The following VOPP1 variants were observed in gnomAD, a reference collection of about 807,000 sequenced individuals.
The protein encoded by VOPP1 is WW domain binding protein VOPP1.
In VOPP1, 8 loss-of-function variants were observed where a neutral mutation model predicts 23.5. That is an observed-to-expected ratio of 0.34 (90% CI 0.20 to 0.61). The LOEUF is 0.61. Ranked by LOEUF, VOPP1 falls within the 20% of genes least tolerant of loss-of-function variation. The pLI is 0.78. For synonymous variants in VOPP1, 83 were observed against 97.3 expected (o/e 0.85, Z 0.86); for missense variants, 174 against 238.1 (o/e 0.73, Z 1.77).
chr7:55,477,396 G>A (rs1480096973), intron 4 of VOPP1, among the ~76,000 whole-genome samples: 1 of 152,196 alleles, frequency 6.6e-6, no homozygotes, highest in Non-Finnish European at 1.5e-5. Flanking sequence ...CTTTGGCGCT[G>A]CCAGATTGTG....
chr7:55,490,276 T>C (rs1430085670), intron 4 of VOPP1, among the ~76,000 whole-genome samples: 4 of 151,902 alleles, frequency 2.6e-5, no homozygotes, highest in African/African-American at 9.7e-5. Context: ...CAGGGTGAGA[T>C]AAGGGATGTG....
At chr7:55,456,536 T>G (rs1452343607) in intron 4 of VOPP1, among the ~76,000 whole-genome samples, 2 of 152,152 alleles carry the variant, frequency 1.3e-5, no homozygotes, top group African/African-American at 4.8e-5. Context: ...TGGCAAAGAC[T>G]TGGAATCAAC....
intron 1 of VOPP1, among the ~76,000 whole-genome samples, chr7:55,524,141 C>T (rs1185888218): frequency 6.6e-6 from 1 of 152,174 alleles, no homozygotes; most frequent in Non-Finnish European, 1.5e-5. Flanking sequence ...CATTTCCATC[C>T]TACTCTTCTT....
At chr7:55,473,122 C>A in intron 4 of VOPP1, 77 bp from the exon 5 acceptor site, 1 of 1,532,234 alleles carries the variant, frequency 6.5e-7, no homozygotes, top group Non-Finnish European at 8.7e-7. Context: ...GCTGCAGGGC[C>A]AGCAGACCAC....
chr7:55,527,810 C>T (rs145513911), intron 1 of VOPP1, among the ~76,000 whole-genome samples: 1,669 of 152,168 alleles, frequency 0.011, 11 homozygotes, highest in Middle Eastern at 0.02. Context: ...CAAAGAAACA[C>T]AAAAGGCCAA....
chr7:55,567,201 G>A (rs922084608), intron 1 of VOPP1, among the ~76,000 whole-genome samples: 5 of 152,180 alleles, frequency 3.3e-5, no homozygotes, highest in Admixed American at 1.3e-4. Flanking sequence ...AGTCTCCATC[G>A]AGTCCCTGCT....
chr7:55,447,830 G>C (rs1444986707), intron 4 of VOPP1, among the ~76,000 whole-genome samples: 1 of 152,128 alleles, frequency 6.6e-6, no homozygotes, highest in African/African-American at 2.4e-5. Flanking sequence ...TTTCAAGAAG[G>C]TGGTTTGTGT....
Position 55,553,546 on chromosome 7 carries a change from C to T in VOPP1, c.54+18725G>A, listed in dbSNP as rs1475680111. Among the ~76,000 whole-genome samples the T allele has an allele frequency of 7.2e-5, 11 of 152,108 alleles. No homozygotes were observed. The East Asian group carries it at 1.2e-3, about 16-fold the overall frequency. On this transcript the variant is annotated intron_variant, in intron 1 of 4. Transcript: ENST00000285279. ...GTTTTCATTTAAATATATCCCTTAA[C>T]GAAACCAATGATACAAATTAGGGGT...
chr7:55,467,556 A>G (rs112807055), downstream of VOPP1, among the ~76,000 whole-genome samples: 1,832 of 152,316 alleles, frequency 0.012, 13 homozygotes, highest in Admixed American at 0.021. Context: ...CTCCTATTTC[A>G]AAAATTACTC....
At chr7:55,520,937 G>T in intron 2 of VOPP1, 135 bp downstream of exon 2, 1 of 877,082 alleles carries the variant, frequency 1.1e-6, no homozygotes, top group Non-Finnish European at 1.8e-6. Flanking sequence ...ATCCCCCAGT[G>T]AGGCAAGCCT....
intron 4 of VOPP1, among the ~76,000 whole-genome samples, chr7:55,442,329 A>C (rs1562877366): frequency 6.6e-6 from 1 of 152,240 alleles, no homozygotes; most frequent in Non-Finnish European, 1.5e-5. Context: ...GTGGAGGAAG[A>C]CAGGCTATGA....
intron 4 of VOPP1, among the ~76,000 whole-genome samples, chr7:55,448,289 T>G (rs935536395): frequency 6.6e-6 from 1 of 151,106 alleles, no homozygotes; most frequent in African/African-American, 2.4e-5. Context: ...ATTGGAGAAA[T>G]GTATCAATAT....
intron 1 of VOPP1, among the ~76,000 whole-genome samples, chr7:55,551,265 T>C (rs991847106): frequency 2.6e-5 from 4 of 152,188 alleles, no homozygotes; most frequent in Admixed American, 2.0e-4. Context: ...CTTGCTGCTG[T>C]TTCATCACTC....
At chr7:55,461,828 T>G (rs1327539701) in intron 4 of VOPP1, among the ~76,000 whole-genome samples, 1 of 152,244 alleles carries the variant, frequency 6.6e-6, no homozygotes, top group Non-Finnish European at 1.5e-5. Context: ...ACTTGTTTTG[T>G]GCATCCTTTG....
At chr7:55,494,447 C>T (rs1200100351) in intron 3 of VOPP1, among the ~76,000 whole-genome samples, 1 of 152,086 alleles carries the variant, frequency 6.6e-6, no homozygotes, top group African/African-American at 2.4e-5. Context: ...GCTAAAATGT[C>T]GGTTCCACTG....
intron 4 of VOPP1, among the ~76,000 whole-genome samples, chr7:55,480,117 T>C (rs1168490290): frequency 6.6e-6 from 1 of 152,258 alleles, no homozygotes; most frequent in Non-Finnish European, 1.5e-5. Flanking sequence ...TCCCAAGTTA[T>C]ACTAACTTTA....
Position 55,511,282 on chromosome 7 carries a change from G to A in VOPP1, c.113+9790C>T, listed in dbSNP as rs546347982. Among the ~76,000 whole-genome samples, 3 of 152,316 alleles carry A rather than the reference G, an allele frequency of 2.0e-5. No individual in the cohort carries two copies. The South Asian group carries it at 6.2e-4, about 32-fold the overall frequency. ...CTATTATCATGATGACCCTCAGGGA[G>A]AGCAGTCGGACGGTATTTAGTAGAA... On this transcript the variant is annotated intron_variant, in intron 2 of 4. Coordinates refer to ENST00000285279, the MANE Select transcript of VOPP1 (RefSeq NM_030796.5).
At chr7:55,461,778 A>G (rs1215378735) in intron 4 of VOPP1, among the ~76,000 whole-genome samples, 1 of 152,196 alleles carries the variant, frequency 6.6e-6, no homozygotes, top group Non-Finnish European at 1.5e-5. Flanking sequence ...TATTACTGAT[A>G]GGTGAGGACT....
chr7:55,550,657 C>CATT (rs1223111427), intron 1 of VOPP1, among the ~76,000 whole-genome samples: 2 of 152,104 alleles, frequency 1.3e-5, no homozygotes, highest in African/African-American at 2.4e-5. Flanking sequence ...GCGAGTCCAC[C>CATT]ATTAGCCCTA....
Sources: allele counts gnomAD v4.1 joint callset (sites outside exome capture counted in the v4.1 genomes callset), GRCh38; gene constraint gnomAD v4.1.1; transcripts MANE v1.5; gene names NCBI Gene and HGNC (gene_info 2026-07-23, HGNC 2026-07-21).